MANBA: variants seen among roughly 807,000 people sequenced by gnomAD.
The protein encoded by MANBA is beta-mannosidase.
MANBA carries 83 observed loss-of-function variants against 111.1 expected under a neutral mutation model. The observed-to-expected ratio is 0.75, with a 90% CI of 0.63 to 0.90. The LOEUF is 0.90. Ranked by LOEUF, MANBA falls within the 40% of genes least tolerant of loss-of-function variation. The pLI, the probability that MANBA is intolerant of heterozygous loss-of-function variation, is 0.00. For missense variants in MANBA, 1,036 were observed against 1,069.0 expected, an observed-to-expected ratio of 0.97 and a Z score of 0.43; for synonymous variants, 370 against 378.7, an observed-to-expected ratio of 0.98 and a Z score of 0.27.
chr4:102,649,817 C>A (rs1039544908), intron 13 of MANBA, among the ~76,000 whole-genome samples: 1 of 152,088 alleles, frequency 6.6e-6, no homozygotes, highest in Admixed American at 6.6e-5. Context: ...CTCACCTATC[C>A]CAAAATCATG....
rs113457530 is a variant in MANBA, at chr4:102,690,924, A to G, written c.674-153T>C. 784 of 233,878 alleles carry G rather than the reference A, an allele frequency of 3.4e-3. 7 individuals carry two copies. Among genetic ancestry groups the G allele is most frequent in the African/African-American group, 0.017 (749 of 44,218 alleles). The allele number at this position is 233,878 out of a possible 1,614,324, so 14.5% of individuals were successfully genotyped here. On this transcript the variant is annotated intron_variant, in intron 5 of 16. Transcript: ENST00000647097. ...GCTGTCATAATCAAAACTTCGTGGA[A>G]ATTTTCTTTTAATCTTCAGTTTAAT...
At chr4:102,739,966 T>C (rs1345295113) in intron 1 of MANBA, among the ~76,000 whole-genome samples, 1 of 152,116 alleles carries the variant, frequency 6.6e-6, no homozygotes, top group Non-Finnish European at 1.5e-5. Flanking sequence ...GAGAAAGAAA[T>C]AAAGGGCATC....
At chr4:102,639,681 C>G (rs1247088957) in intron 14 of MANBA, 32 bp downstream of exon 14, 8 of 1,613,946 alleles carry the variant, frequency 5.0e-6, no homozygotes, top group Non-Finnish European at 5.9e-6. Context: ...GTTGCTTTCT[C>G]TCACTCGCAC....
At chr4:102,738,634 CA>C (rs1474784840) in intron 1 of MANBA, among the ~76,000 whole-genome samples, 1 of 152,170 alleles carries the variant, frequency 6.6e-6, no homozygotes, top group East Asian at 1.9e-4. Flanking sequence ...TCCACTGAAA[CA>C]GTCTACCCAA....
chr4:102,757,403 G>A (rs76448024), intron 1 of MANBA, among the ~76,000 whole-genome samples: 2,230 of 151,422 alleles, frequency 0.015, 53 homozygotes, highest in African/African-American at 0.048. Flanking sequence ...GAAACCAAAG[G>A]TTTAGATTCT....
intron 4 of MANBA, among the ~76,000 whole-genome samples, chr4:102,714,795 G>T (rs575895123): frequency 6.6e-6 from 1 of 152,276 alleles, no homozygotes; most frequent in South Asian, 2.1e-4. Context: ...TCCTCTGTTT[G>T]CACTGTGTCC....
At position 102,671,290 on chromosome 4, in the gene MANBA, T is replaced by C. The variant is rs746919371; in HGVS notation, c.1221A>G (p.Leu407=). The change falls in exon 9 of 17, where the codon CTA becomes CTG. Residue 407 remains leucine (L), a synonymous_variant. Transcript: ENST00000647097. ...GCTATCAACTTCTCACCATTATTCC[T>C]AGTTCATCACAGAGTTCATAGAATT... ...QDEFYELCDE[L]GIMVWQDFMF... is the part of the protein sequence containing the mutation. 3 of 1,557,830 alleles carry C rather than the reference T, an allele frequency of 1.9e-6. No homozygotes were observed. The highest frequency in any genetic ancestry group is 2.7e-6 in the Non-Finnish European group (3 of 1,128,824).
chr4:102,685,219 A>G (rs951615946), intron 7 of MANBA, among the ~76,000 whole-genome samples: 9 of 152,072 alleles, frequency 5.9e-5, no homozygotes, highest in African/African-American at 1.9e-4. Flanking sequence ...GAACATGTTG[A>G]CAGTTACCTG....
Position 102,674,063 on chromosome 4 carries a change from A to T in MANBA, c.968T>A (p.Phe323Tyr). ...CTCTTCTATAAGTTCCACTGTCCTA[A>T]AATAAACCTGCAATGAACAGAATTA... The part of the protein sequence containing the change: ...LNIEKSAKVY[F>Y]RTVELIEEPI... Residue 323 changes from phenylalanine to tyrosine, a missense_variant, in exon 8 of 17, where the codon TTT becomes TAT. Coordinates refer to ENST00000647097, the MANE Select transcript of MANBA (RefSeq NM_005908.4). 1 of 1,597,486 alleles carries T rather than the reference A, an allele frequency of 6.3e-7. No homozygotes were observed. Among genetic ancestry groups the T allele is most frequent in the Non-Finnish European group, 8.6e-7 (1 of 1,165,028 alleles).
chr4:102,750,969 A>G (rs1723768702), intron 1 of MANBA, among the ~76,000 whole-genome samples: 1 of 152,196 alleles, frequency 6.6e-6, no homozygotes, highest in African/African-American at 2.4e-5. Context: ...TAGTGGATAG[A>G]GAAGAAACAA....
chr4:102,664,450 G>A (rs992244735), intron 11 of MANBA, among the ~76,000 whole-genome samples: 3 of 151,610 alleles, frequency 2.0e-5, no homozygotes, highest in East Asian at 3.9e-4. Context: ...CCGGGTTCAC[G>A]CCATGCTCCT....
chr4:102,648,204 A>G (rs2110201080), intron 13 of MANBA, among the ~76,000 whole-genome samples: 1 of 152,276 alleles, frequency 6.6e-6, no homozygotes, highest in Non-Finnish European at 1.5e-5. Context: ...AATTTGTTAT[A>G]TAACTCAGAA....
At chr4:102,661,585 T>C (rs1394913613) in intron 11 of MANBA, among the ~76,000 whole-genome samples, 1 of 152,260 alleles carries the variant, frequency 6.6e-6, no homozygotes. Context: ...TTGGCCTTGA[T>C]TGATCAAGCT....
chr4:102,728,046 T>C (rs778810166), intron 1 of MANBA: 10 of 500,592 alleles, frequency 2.0e-5, no homozygotes, highest in Non-Finnish European at 3.2e-5. Context: ...GGTAGGGCTT[T>C]TGCAGGGGTG....
intron 4 of MANBA, 22 bp downstream of exon 4, chr4:102,722,849 G>T: frequency 1.2e-6 from 2 of 1,611,590 alleles, no homozygotes; most frequent in South Asian, 1.1e-5. Context: ...AATAAAACCC[G>T]ACCTGTTTGA....
chr4:102,652,643 C>A (rs1730387559), intron 12 of MANBA, among the ~76,000 whole-genome samples: 1 of 152,188 alleles, frequency 6.6e-6, no homozygotes, highest in Non-Finnish European at 1.5e-5. Context: ...GTAATCCCAG[C>A]ACTTTGGGAG....
Position 102,688,672 on chromosome 4 carries a change from G to A in MANBA, c.960+902C>T, listed in dbSNP as rs187411865. On this transcript the variant is annotated intron_variant, in intron 7 of 16. Coordinates refer to ENST00000647097, the MANE Select transcript of MANBA (RefSeq NM_005908.4). The stretch of plus-strand genomic sequence containing the variant: ...TTATAAGCCAGATCCAAGCCATCTC[G>A]TTCTTATTGTCCCTATTTTACATAT... Among the ~76,000 whole-genome samples the A allele has an allele frequency of 2.5e-4, 38 of 152,222 alleles. No homozygotes were observed. In the South Asian group the frequency reaches 6.4e-3, roughly 26 times the overall value.
chr4:102,653,099 C>A (rs1406392161), intron 12 of MANBA, among the ~76,000 whole-genome samples: 1 of 152,132 alleles, frequency 6.6e-6, no homozygotes, highest in Admixed American at 6.5e-5. Flanking sequence ...ATGGTCTATA[C>A]TAAAGGTAAA....
At chr4:102,661,297 T>C (rs1730941787) in intron 11 of MANBA, among the ~76,000 whole-genome samples, 1 of 152,138 alleles carries the variant, frequency 6.6e-6, no homozygotes, top group South Asian at 2.1e-4. Context: ...GTTCCCAGCA[T>C]TTTGAAGCTA....
Sources: gnomAD v4.1 joint callset for allele counts (sites outside exome capture counted in the v4.1 genomes callset) on GRCh38, gnomAD v4.1.1 for gene constraint, MANE v1.5 for transcripts, NCBI Gene and HGNC (gene_info 2026-07-23, HGNC 2026-07-21) for gene names.